The following SSBP2 variants were observed in gnomAD, a reference collection of about 807,000 sequenced individuals.
The protein encoded by SSBP2 is single-stranded DNA-binding protein 2.
Under a neutral mutation model 61.8 loss-of-function variants are expected in SSBP2, and 17 were observed. The ratio of observed to expected loss-of-function variants is 0.28; its 90% CI spans 0.19 to 0.41. SSBP2 has a LOEUF of 0.41. Among genes scored for constraint, SSBP2 ranks in the 10% least tolerant of loss-of-function variants. The pLI, the probability that SSBP2 is intolerant of heterozygous loss-of-function variation, is 1.00. For synonymous variants in SSBP2, 139 were observed against 141.3 expected, an observed-to-expected ratio of 0.98 and a Z score of 0.12; for missense variants, 310 against 458.7, an observed-to-expected ratio of 0.68 and a Z score of 2.96.
intron 1 of SSBP2, among the ~76,000 whole-genome samples, chr5:81,676,349 A>G (rs1168093521): frequency 1.3e-5 from 2 of 152,098 alleles, no homozygotes; most frequent in African/African-American, 2.4e-5. Context: ...ATGATGTGAA[A>G]GTGTTATTCT....
chr5:81,695,227 A>T (rs1390644615), intron 1 of SSBP2, among the ~76,000 whole-genome samples: 1 of 152,232 alleles, frequency 6.6e-6, no homozygotes, highest in East Asian at 1.9e-4. Flanking sequence ...AGTATCTGCA[A>T]TGTTTGTACT....
intron 4 of SSBP2, among the ~76,000 whole-genome samples, chr5:81,583,411 C>T (rs189965502): frequency 1.1e-3 from 174 of 152,128 alleles, no homozygotes; most frequent in Non-Finnish European, 1.9e-3. Flanking sequence ...GGGCAGATCA[C>T]AAGGTCAGGA....
chr5:81,461,303 T>C lies in SSBP2; in HGVS notation c.639-200A>G, dbSNP rs565254157. On this transcript the variant is annotated intron_variant, in intron 9 of 16. Transcript: ENST00000320672. The stretch of plus-strand genomic sequence containing the variant: ...CCAAAAGAAAAGTTTTCTTCCCAAA[T>C]TGAACTGCTTTTAGAAAGCCCAGTT... 4.3e-4 allele frequency among the ~76,000 whole-genome samples: 65 copies of C among 152,136 alleles called. 1 individual carries two copies. Among genetic ancestry groups the C allele is most frequent in the African/African-American group, 1.4e-3 (59 of 41,564 alleles).
rs1376832581 is a variant in SSBP2 at position 81,417,432 on chromosome 5, AT to A, written c.*3071del. ...GCAGAATGCAAAGCAGAGTAACAAG[AT>A]TTTACCTACTGCTTACTTTTTCATT... is the stretch of plus-strand genomic sequence containing the variant. On this transcript the variant is annotated 3_prime_UTR_variant, in exon 17 of 17. Coordinates refer to ENST00000320672, the MANE Select transcript of SSBP2 (RefSeq NM_012446.5). 6.6e-6 allele frequency: 1 copy of A among 152,172 alleles called. No homozygotes were observed. The highest frequency in any genetic ancestry group is 1.5e-5 in the Non-Finnish European group (1 of 68,036). The allele number at this position is 152,172 out of a possible 1,614,324, so 9.4% of individuals were successfully genotyped here.
intron 4 of SSBP2, among the ~76,000 whole-genome samples, chr5:81,515,572 T>G (rs1197185174): frequency 6.7e-6 from 1 of 150,034 alleles, no homozygotes; most frequent in Non-Finnish European, 1.5e-5. Flanking sequence ...TTTTCTCTAT[T>G]CAAAGGAATA....
chr5:81,658,444 T>C (rs1289125769), intron 1 of SSBP2, among the ~76,000 whole-genome samples: 1 of 152,126 alleles, frequency 6.6e-6, no homozygotes, highest in African/African-American at 2.4e-5. Context: ...CAAAATGGCA[T>C]AGTATCTACA....
At chr5:81,710,441 G>A (rs942449899) in intron 1 of SSBP2, among the ~76,000 whole-genome samples, 1 of 152,044 alleles carries the variant, frequency 6.6e-6, no homozygotes, top group African/African-American at 2.4e-5. Context: ...GGAAGATGAT[G>A]AATTTTTAAA....
chr5:81,493,300 A>AGATAGATT (rs1355354997), intron 5 of SSBP2, among the ~76,000 whole-genome samples: 15 of 144,622 alleles, frequency 1.0e-4, no homozygotes, highest in Non-Finnish European at 1.8e-4. Flanking sequence ...ATAGATAGAT[A>AGATAGATT]GATTAACAGG....
chr5:81,434,132 G>C (rs1370205104), intron 15 of SSBP2, among the ~76,000 whole-genome samples: 1 of 152,082 alleles, frequency 6.6e-6, no homozygotes, highest in Non-Finnish European at 1.5e-5. Context: ...AGTAGCATCA[G>C]GCTTTCTGAT....
intron 4 of SSBP2, among the ~76,000 whole-genome samples, chr5:81,608,693 ATGT>A (rs1435018289): frequency 2.0e-5 from 3 of 152,186 alleles, no homozygotes; most frequent in African/African-American, 4.8e-5. Flanking sequence ...ATGGATTGAG[ATGT>A]TGTAAATGAA....
chr5:81,731,322 A>G (rs1045073940), intron 1 of SSBP2, among the ~76,000 whole-genome samples: 3 of 152,210 alleles, frequency 2.0e-5, no homozygotes, highest in Non-Finnish European at 4.4e-5. Flanking sequence ...AGATAAAAAA[A>G]TAGTAATAAT....
intron 4 of SSBP2, among the ~76,000 whole-genome samples, chr5:81,518,002 C>T (rs1197478686): frequency 6.6e-6 from 1 of 151,956 alleles, no homozygotes; most frequent in Non-Finnish European, 1.5e-5. Context: ...TTACTAAACA[C>T]AATTAGCATT....
chr5:81,517,052 C>T (rs1369400854), intron 4 of SSBP2, among the ~76,000 whole-genome samples: 1 of 152,024 alleles, frequency 6.6e-6, no homozygotes, highest in African/African-American at 2.4e-5. Context: ...GCATTAGTTT[C>T]ACTGAATTTA....
At chr5:81,614,672 A>G (rs1337992870) in intron 4 of SSBP2, among the ~76,000 whole-genome samples, 1 of 152,134 alleles carries the variant, frequency 6.6e-6, no homozygotes, top group Admixed American at 6.6e-5. Context: ...TCCAGCCCCA[A>G]TTCACTTCCT....
intron 1 of SSBP2, among the ~76,000 whole-genome samples, chr5:81,728,011 A>G (rs1034343876): frequency 6.6e-6 from 1 of 152,188 alleles, no homozygotes; most frequent in Non-Finnish European, 1.5e-5. Context: ...CTGAGGTGTC[A>G]CAGGGCTAGC....
intron 1 of SSBP2, among the ~76,000 whole-genome samples, chr5:81,740,774 T>C (rs536772789): frequency 7.9e-5 from 12 of 152,342 alleles, no homozygotes; most frequent in African/African-American, 2.6e-4. Context: ...GGCATCTTCC[T>C]CTCTGGTGAG....
chr5:81,686,903 GAAAAGAAAAGAA>G (rs1752851152), intron 1 of SSBP2, among the ~76,000 whole-genome samples: 1 of 108,810 alleles, frequency 9.2e-6, no homozygotes, highest in African/African-American at 3.9e-5. Context: ...GAAAAGAAAA[GAAAAGAAAAGAA>G]AAAGTGACAA....
chr5:81,716,289 T>C (rs1425811423), intron 1 of SSBP2, among the ~76,000 whole-genome samples: 4 of 152,248 alleles, frequency 2.6e-5, no homozygotes, highest in East Asian at 3.9e-4. Context: ...GCCACTGTCG[T>C]CCTCCATTAC....
At chr5:81,619,775 C>A (rs1266798776) in intron 3 of SSBP2, among the ~76,000 whole-genome samples, 1 of 24,646 alleles carries the variant, frequency 4.1e-5, no homozygotes, top group East Asian at 7.6e-4. Flanking sequence ...GGGCTTCATC[C>A]CTGGGATGCA....
Sources: gnomAD v4.1 joint callset for allele counts (sites outside exome capture counted in the v4.1 genomes callset) on GRCh38, gnomAD v4.1.1 for gene constraint, MANE v1.5 for transcripts, NCBI Gene and HGNC (gene_info 2026-07-23, HGNC 2026-07-21) for gene names.